The following OPRM1 variants were observed in gnomAD, a reference collection of about 807,000 sequenced individuals.
OPRM1 encodes opioid receptor mu 1, also known as mu-type opioid receptor.
OPRM1 carries 27 observed loss-of-function variants against 31.8 expected under a neutral mutation model. The observed-to-expected ratio is 0.85, with a 90% confidence interval of 0.63 to 1.17. The LOEUF is 1.17. Among genes scored for constraint, OPRM1 ranks in the 50% most tolerant of loss-of-function variants. The pLI is 0.00. For synonymous variants in OPRM1, 196 were observed against 189.9 expected, an observed-to-expected ratio of 1.03 and a Z score of -0.26; for missense variants, 536 against 511.1, an observed-to-expected ratio of 1.05 and a Z score of -0.47.
chr6:154,016,088 C>T (rs117567550), intron 1 of OPRM1, among the ~76,000 whole-genome samples: 1 of 152,132 alleles, frequency 6.6e-6, no homozygotes, highest in East Asian at 1.9e-4. Flanking sequence ...TCCTTTGACC[C>T]AGCATTAACT....
intron 1 of OPRM1, among the ~76,000 whole-genome samples, chr6:154,070,357 AACAG>A (rs1583350213): frequency 1.3e-5 from 2 of 152,234 alleles, no homozygotes; most frequent in African/African-American, 4.8e-5. Context: ...AAATATTTAC[AACAG>A]ACAGACTATG....
At chr6:154,014,190 C>A (rs1209528017) in intron 1 of OPRM1, among the ~76,000 whole-genome samples, 1 of 152,102 alleles carries the variant, frequency 6.6e-6, no homozygotes, top group East Asian at 1.9e-4. Context: ...AGTGCAGACG[C>A]CATAAGGCAG....
intron 1 of OPRM1, chr6:154,089,622 C>A: frequency 1.8e-6 from 1 of 565,076 alleles, no homozygotes; most frequent in Non-Finnish European, 3.1e-6. Context: ...AACAAAGCAG[C>A]ATCGTTGCTA....
chr6:154,122,720 C>A lies in OPRM1; in HGVS notation c.*3999C>A, dbSNP rs1270226695. 2.0e-5 allele frequency among the ~76,000 whole-genome samples: 3 copies of A among 152,170 alleles called. No individual in the cohort carries two copies. The highest frequency in any genetic ancestry group is 2.9e-5 in the Non-Finnish European group (2 of 68,024). On this transcript the variant is annotated 3_prime_UTR_variant, in exon 4 of 4. Coordinates refer to ENST00000330432, the MANE Select transcript of OPRM1 (RefSeq NM_000914.5). ...CTGCAGTGTGTGGCAAATGTTCAAC[C>A]TTTTGTTATGCAATATCACCCATAT...
downstream of OPRM1, among the ~76,000 whole-genome samples, chr6:154,136,108 G>T (rs1456319327): frequency 6.6e-6 from 1 of 152,182 alleles, no homozygotes; most frequent in East Asian, 1.9e-4. Context: ...ATCCCAGAGA[G>T]TCCTGGGTGA....
At chr6:154,087,298 A>G (rs1790818104) in intron 1 of OPRM1, 5 of 985,458 alleles carry the variant, frequency 5.1e-6, no homozygotes, top group Non-Finnish European at 6.0e-6. Context: ...TATTGAAACC[A>G]AAACACTTTC....
intron 3 of OPRM1, among the ~76,000 whole-genome samples, chr6:154,103,859 T>C (rs1473371350): frequency 1.3e-5 from 2 of 152,200 alleles, no homozygotes; most frequent in African/African-American, 4.8e-5. Context: ...GCTCCTTTAC[T>C]GCAACGTGTT....
chr6:154,187,061 C>T (rs573994049), intron 3 of OPRM1, among the ~76,000 whole-genome samples: 80 of 152,306 alleles, frequency 5.3e-4, no homozygotes, highest in Non-Finnish European at 9.6e-4. Flanking sequence ...CTCTGTCTTC[C>T]TGCCGCTAGT....
chr6:154,138,261 C>T (rs1283002989), intron 3 of OPRM1, among the ~76,000 whole-genome samples: 2 of 151,864 alleles, frequency 1.3e-5, no homozygotes, highest in Non-Finnish European at 2.9e-5. Flanking sequence ...AAAAAAAAGT[C>T]ACGCAGTTTT....
chr6:154,132,013 T>C lies in OPRM1; in HGVS notation c.*13292T>C, dbSNP rs1198057617. ...TGTCTGTTTACTATTGAAAAATAAA[T>C]ATCTTCATTTAAAGTAGAGACAAAG... On this transcript the variant is annotated 3_prime_UTR_variant, in exon 4 of 4. Coordinates refer to ENST00000330432, the MANE Select transcript of OPRM1 (RefSeq NM_000914.5). Among the ~76,000 whole-genome samples the C allele has an allele frequency of 6.6e-6, 1 of 151,088 alleles. No individual in the cohort carries two copies. The highest frequency in any genetic ancestry group is 1.5e-5 in the Non-Finnish European group (1 of 67,870).
At chr6:154,222,025 G>T (rs1778906313) in intron 3 of OPRM1, among the ~76,000 whole-genome samples, 1 of 152,102 alleles carries the variant, frequency 6.6e-6, no homozygotes, top group South Asian at 2.1e-4. Flanking sequence ...TTCAAGCAAG[G>T]TATTTCTTCA....
At chr6:154,038,158 T>G (rs1035037154), upstream of OPRM1, among the ~76,000 whole-genome samples, 6 of 152,184 alleles carry the variant, frequency 3.9e-5, no homozygotes, top group Admixed American at 1.3e-4. Context: ...ATATTGGAAT[T>G]AAATGTTCCT....
At chr6:154,115,745 C>G (rs528185005) in intron 3 of OPRM1, among the ~76,000 whole-genome samples, 1 of 152,290 alleles carries the variant, frequency 6.6e-6, no homozygotes, top group South Asian at 2.1e-4. Flanking sequence ...GGGGCAGCAA[C>G]CTGGCTTCCC....
chr6:154,016,460 C>T (rs1294087), intron 1 of OPRM1, among the ~76,000 whole-genome samples: 53,506 of 151,796 alleles, frequency 0.35, 9,850 homozygotes, highest in Admixed American at 0.51. Context: ...TATCTGTTTA[C>T]GGTAACAATT....
intron 3 of OPRM1, chr6:154,093,416 C>A: frequency 6.2e-7 from 1 of 1,614,126 alleles, no homozygotes; most frequent in South Asian, 1.1e-5. Flanking sequence ...CTGCTCCCAG[C>A]CCGTCTGGTG....
intron 3 of OPRM1, among the ~76,000 whole-genome samples, chr6:154,191,011 G>C (rs774627052): frequency 1.3e-5 from 2 of 151,882 alleles, no homozygotes; most frequent in African/African-American, 4.8e-5. Context: ...AGCCGAGATC[G>C]CGCCACTGCA....
intron 3 of OPRM1, chr6:154,160,005 C>A (rs1290220623): frequency 6.2e-7 from 1 of 1,612,204 alleles, no homozygotes; most frequent in Non-Finnish European, 8.5e-7. Context: ...GGTCATCCAG[C>A]AACTGGTTAA....
chr6:154,016,337 C>T (rs530903657), intron 1 of OPRM1, among the ~76,000 whole-genome samples: 1 of 152,150 alleles, frequency 6.6e-6, no homozygotes, highest in East Asian at 1.9e-4. Context: ...ATTAAAGTAG[C>T]AGGTTATAAA....
At chr6:154,223,493 C>T (rs948273320) in intron 3 of OPRM1, among the ~76,000 whole-genome samples, 4 of 152,132 alleles carry the variant, frequency 2.6e-5, no homozygotes, top group African/African-American at 9.7e-5. Flanking sequence ...GGGATGGTCA[C>T]CATATGGCAG....
Sources: gnomAD v4.1 joint callset for allele counts (sites outside exome capture counted in the v4.1 genomes callset) on GRCh38, gnomAD v4.1.1 for gene constraint, MANE v1.5 for transcripts, NCBI Gene and HGNC (gene_info 2026-07-23, HGNC 2026-07-21) for gene names.